DENND2B: variants seen among roughly 807,000 people sequenced by gnomAD.
The protein encoded by DENND2B is DENN domain containing 2B.
In DENND2B, 32 loss-of-function variants were observed where a neutral mutation model predicts 116.0. The observed-to-expected ratio is 0.28, with a 90% CI of 0.21 to 0.37. DENND2B has a LOEUF of 0.37. DENND2B is among the 10% of genes least tolerant of loss of function. The pLI, the probability that DENND2B is intolerant of heterozygous loss-of-function variation, is 1.00. For synonymous variants in DENND2B, 588 were observed against 583.9 expected (o/e 1.01, Z -0.10); for missense variants, 1,276 against 1,477.7 (o/e 0.86, Z 2.24).
At chr11:8,766,153 C>T (rs2055726508) in intron 1 of DENND2B, among the ~76,000 whole-genome samples, 1 of 152,078 alleles carries the variant, frequency 6.6e-6, no homozygotes, top group Admixed American at 6.5e-5. Flanking sequence ...GGAGTCTCTG[C>T]AGCAGGTGTT....
chr11:8,776,615 G>A (rs868806272), intron 1 of DENND2B: 1 of 203,906 alleles, frequency 4.9e-6, no homozygotes, highest in Non-Finnish European at 1.0e-5. Flanking sequence ...AGCTAGATGG[G>A]GTCTTCTTAC....
chr11:8,763,059 C>G (rs2054978549), intron 1 of DENND2B, among the ~76,000 whole-genome samples: 1 of 152,024 alleles, frequency 6.6e-6, no homozygotes, highest in Admixed American at 6.6e-5. Context: ...TAAAAAACAA[C>G]TCAAAAGAAG....
In DENND2B at chr11:8,707,407, CCT is replaced by C. The variant is rs1328830738; in HGVS notation, c.2431-184_2431-183del. On this transcript the variant is annotated intron_variant, in intron 12 of 19. Coordinates refer to ENST00000313726, the MANE Select transcript of DENND2B (RefSeq NM_213618.2). The surrounding 1 kb of genome is among the most constrained non-coding windows in gnomAD (Gnocchi z 4.8). ...CCGTTTTCCTTGGCACTCAGTGACT[CCT>C]CTGTTCCCTAACTGGCCTTGCTTCA... 2 of 791,500 alleles carry C rather than the reference CCT, an allele frequency of 2.5e-6. No homozygotes were observed. The highest frequency in any genetic ancestry group is 3.5e-5 in the African/African-American group (2 of 57,436). The allele number at this position is 791,500 out of a possible 1,614,324, so 49.0% of individuals were successfully genotyped here. A position where few individuals can be genotyped will look rare whatever the true frequency, so the allele number is the denominator to read the frequency against.
At chr11:8,810,381 C>T (rs1408670161) in intron 1 of DENND2B, 136 bp downstream of exon 1, 4 of 152,172 alleles carry the variant, frequency 2.6e-5, no homozygotes, top group African/African-American at 9.7e-5. Flanking sequence ...TAGAATCCAA[C>T]TGTTGGAGCA....
intron 10 of DENND2B, 24 bp downstream of exon 10, chr11:8,711,098 C>T (rs1486496449): frequency 1.9e-6 from 3 of 1,610,112 alleles, no homozygotes; most frequent in South Asian, 2.2e-5. Context: ...GCTCCTTCCT[C>T]CCTCAGGCCA....
chr11:8,822,459 A>G (rs2061801788), intron 4 of DENND2B, among the ~76,000 whole-genome samples: 1 of 152,244 alleles, frequency 6.6e-6, no homozygotes, highest in Non-Finnish European at 1.5e-5. Context: ...GATTTATCTT[A>G]TAACTGAACG....
intron 1 of DENND2B, chr11:8,785,218 C>A (rs1192306420): frequency 6.6e-6 from 1 of 152,242 alleles, no homozygotes; most frequent in South Asian, 2.1e-4. Context: ...CCGTCAGCTT[C>A]ATCCCCAGGC....
At position 8,699,300 on chromosome 11, in the gene DENND2B, C is replaced by T; in HGVS notation, c.2811G>A (p.Met937Ile). ...GGGTGGGACAGCAGACGATGTCAATCATGGAGGCCGGGAGGACAGGAATGA... is the reference window on the plus strand; with the variant it reads ...GGGTGGGACAGCAGACGATGTCAATTATGGAGGCCGGGAGGACAGGAATGA... ...HTFIPVLPASMIDIVCCPTPF... is the reference protein window; with the variant it reads ...HTFIPVLPASIIDIVCCPTPF... Residue 937 changes from methionine to isoleucine, a missense_variant, in exon 15 of 20, where the codon ATG becomes ATA. By Grantham distance (10) the Met-to-Ile change is conservative. Around this residue, in one of 2 missense-constraint regions of DENND2B, gnomAD observed 420 missense variants for 631.1 expected, o/e 0.67. Coordinates refer to ENST00000313726, the MANE Select transcript of DENND2B (RefSeq NM_213618.2). 6.2e-7 allele frequency: 1 copy of T among 1,605,140 alleles called. No individual in the cohort carries two copies. Among genetic ancestry groups the T allele is most frequent in the Non-Finnish European group, 8.5e-7 (1 of 1,177,888 alleles).
chr11:8,876,272 C>T (rs1422977610), upstream of DENND2B, among the ~76,000 whole-genome samples: 1 of 151,870 alleles, frequency 6.6e-6, no homozygotes, highest in Non-Finnish European at 1.5e-5. Flanking sequence ...GCTGGTAAAT[C>T]TCATTTGGAT....
intron 3 of DENND2B, among the ~76,000 whole-genome samples, chr11:8,856,642 T>A (rs1280973289): frequency 2.0e-5 from 3 of 152,128 alleles, no homozygotes; most frequent in Admixed American, 6.5e-5. Context: ...CCCCAACCAC[T>A]ATATTGGGCA....
chr11:8,730,867 C>T lies in DENND2B; in HGVS notation c.423G>A (p.Pro141=), dbSNP rs1328061137. Residue 141 remains proline (P), a synonymous_variant, in exon 3 of 20, where the codon CCG becomes CCA. Coordinates refer to ENST00000313726, the MANE Select transcript of DENND2B (RefSeq NM_213618.2). This position sits in a 1 kb window ranked among gnomAD's most constrained non-coding sequence, Gnocchi z 4.1. ...CLPLAQSTPF[P]GPAAGPRGVL... ...CGCCCCGGGGGCCAGCTGCTGGCCC[C>T]GGGAATGGCGTGCTCTGGGCAAGGG... The T allele has an allele frequency of 1.9e-6, 3 of 1,613,486 alleles. No individual in the cohort carries two copies. Among genetic ancestry groups the T allele is most frequent in the East Asian group, 2.2e-5 (1 of 44,864 alleles).
intron 1 of DENND2B, among the ~76,000 whole-genome samples, chr11:8,884,694 A>ATGCATGGT (rs2063941833): frequency 1.3e-5 from 2 of 152,178 alleles, no homozygotes; most frequent in Non-Finnish European, 2.9e-5. Flanking sequence ...AGATGAAGAT[A>ATGCATGGT]ACTCTTCATG....
chr11:8,738,000 T>C lies in DENND2B; in HGVS notation c.81-6791A>G, dbSNP rs140336296. 9.3e-3 allele frequency among the ~76,000 whole-genome samples: 1,417 copies of C among 152,190 alleles called. 26 individuals are homozygous for C. The highest frequency in any genetic ancestry group is 0.032 in the African/African-American group (1,317 of 41,516). Reference sequence around the variant, plus strand: ...CTGGCCTCCAGTGATCCTCCTGCCTTGGCCTCCCAAAGTGCTGGGATTGCA... The same window carrying C: ...CTGGCCTCCAGTGATCCTCCTGCCTCGGCCTCCCAAAGTGCTGGGATTGCA... On this transcript the variant is annotated intron_variant, in intron 2 of 19. Transcript: ENST00000313726.
intron 1 of DENND2B, among the ~76,000 whole-genome samples, chr11:8,794,428 A>G (rs573367161): frequency 6.6e-6 from 1 of 152,368 alleles, no homozygotes; most frequent in African/African-American, 2.4e-5. Flanking sequence ...CTGAGGCTAC[A>G]GGAGCCCCAG....
intron 2 of DENND2B, among the ~76,000 whole-genome samples, chr11:8,732,942 A>C (rs1176881791): frequency 6.6e-6 from 1 of 152,146 alleles, no homozygotes; most frequent in Non-Finnish European, 1.5e-5. Context: ...CACACAGAAA[A>C]CTGGAGTTTG....
intron 3 of DENND2B, among the ~76,000 whole-genome samples, chr11:8,848,546 T>TG (rs1322575549): frequency 9.9e-5 from 15 of 152,186 alleles, no homozygotes; most frequent in African/African-American, 3.6e-4. Context: ...AAGGAATTAT[T>TG]GTTAGTTTGG....
intron 2 of DENND2B, among the ~76,000 whole-genome samples, chr11:8,744,715 C>T (rs2050914374): frequency 6.6e-6 from 1 of 152,138 alleles, no homozygotes; most frequent in African/African-American, 2.4e-5. Context: ...ATACATCAAA[C>T]CAGTGACTGC....
intron 1 of DENND2B, among the ~76,000 whole-genome samples, chr11:8,798,063 C>T (rs1399092153): frequency 1.3e-5 from 2 of 151,956 alleles, no homozygotes; most frequent in Non-Finnish European, 2.9e-5. Context: ...TCTCAGGTCC[C>T]TGTTACTCTC....
rs766659847 is a variant in DENND2B, at chr11:8,714,687, G to A, written c.1865C>T (p.Ser622Phe). 6.2e-7 allele frequency: 1 copy of A among 1,614,194 alleles called. No individual in the cohort carries two copies. The change falls in exon 7 of 20, where the codon TCC (serine) becomes TTC (phenylalanine). Residue 622 changes from serine (S) to phenylalanine (F), a missense_variant. By Grantham distance (155) the Ser-to-Phe change is radical (BLOSUM62 -2). Transcript: ENST00000313726. ...RIPKLVQRIN[S>F]IYNAKRGKKR... The stretch of plus-strand genomic sequence containing the variant: ...CTTTCCTCTCTTGGCATTGTAGATG[G>A]AGTTAATTCTTTGGACAAGCTGGGT...
Sources: gnomAD v4.1 joint callset for allele counts (sites outside exome capture counted in the v4.1 genomes callset) on GRCh38, gnomAD v4.1.1 for gene constraint, gnomAD v4.1.1 regional missense constraint, Gnocchi (gnomAD v3.1) non-coding constraint, MANE v1.5 for transcripts, NCBI Gene and HGNC (gene_info 2026-07-23, HGNC 2026-07-21) for gene names.